DNAJC15: variants seen among roughly 807,000 people sequenced by gnomAD.
The protein encoded by DNAJC15 is DnaJ heat shock protein family (Hsp40) member C15, also known as dnaJ homolog subfamily C member 15.
In DNAJC15, 27 loss-of-function variants were observed where a neutral mutation model predicts 22.4. That is an observed-to-expected ratio of 1.20 (90% confidence interval 0.89 to 1.66). The LOEUF is 1.66. DNAJC15 is among the 40% of genes most tolerant of loss of function. The pLI, the probability that DNAJC15 is intolerant of heterozygous loss-of-function variation, is 0.00. For missense variants in DNAJC15, 208 were observed against 187.1 expected, an observed-to-expected ratio of 1.11 and a Z score of -0.65; for synonymous variants, 79 against 63.2, an observed-to-expected ratio of 1.25 and a Z score of -1.19.
chr13:43,065,723 C>G lies in DNAJC15; in HGVS notation c.146C>G (p.Ala49Gly), dbSNP rs61749882. The change falls in exon 2 of 6, where the codon GCT becomes GGT. Residue 49 changes from alanine to glycine, a missense_variant. Ala to Gly is a moderately conservative substitution (Grantham distance 60). Coordinates refer to ENST00000379221, the MANE Select transcript of DNAJC15 (RefSeq NM_013238.3). ...SLIAVGLGVA[A>G]LAFAGRYAFR... ...ATAGCTGTAGGACTGGGTGTTGCAG[C>G]TCTTGCATTTGCAGGTAAGATAAAG... The G allele has an allele frequency of 2.1e-5, 34 of 1,613,086 alleles. No individual in the cohort carries two copies. The highest frequency in any genetic ancestry group is 2.7e-5 in the Non-Finnish European group (32 of 1,179,650).
At chr13:43,093,592 C>T (rs2040725508) in intron 5 of DNAJC15, among the ~76,000 whole-genome samples, 1 of 151,940 alleles carries the variant, frequency 6.6e-6, no homozygotes, top group Non-Finnish European at 1.5e-5. Context: ...TTATTTTTAT[C>T]TTTGTAGAAA....
At chr13:43,047,279 G>T (rs901147882) in intron 1 of DNAJC15, among the ~76,000 whole-genome samples, 9 of 152,218 alleles carry the variant, frequency 5.9e-5, no homozygotes, top group African/African-American at 2.2e-4. Context: ...TGTTGGAAGG[G>T]ATTTGAAATA....
intron 5 of DNAJC15, among the ~76,000 whole-genome samples, chr13:43,099,674 G>A (rs976131628): frequency 4.0e-5 from 6 of 151,838 alleles, no homozygotes; most frequent in Admixed American, 6.6e-5. Context: ...GATGAGACTC[G>A]ATATATTTAT....
At chr13:43,026,203 C>T (rs1026245456) in intron 1 of DNAJC15, among the ~76,000 whole-genome samples, 21 of 152,150 alleles carry the variant, frequency 1.4e-4, no homozygotes, top group Non-Finnish European at 1.2e-4. Context: ...ATGGCACTTG[C>T]ACTTATGGAA....
chr13:43,038,013 T>C (rs111895010), intron 1 of DNAJC15, among the ~76,000 whole-genome samples: 3 of 152,324 alleles, frequency 2.0e-5, no homozygotes, highest in African/African-American at 7.2e-5. Flanking sequence ...TGATCCATAT[T>C]TTACATGTGC....
intron 1 of DNAJC15, among the ~76,000 whole-genome samples, chr13:43,050,363 T>C (rs929386064): frequency 2.6e-5 from 4 of 152,114 alleles, no homozygotes; most frequent in African/African-American, 9.7e-5. Context: ...TGAAGTACAG[T>C]GGCATAATCA....
At chr13:43,041,964 G>A (rs780778594) in intron 1 of DNAJC15, among the ~76,000 whole-genome samples, 27 of 152,154 alleles carry the variant, frequency 1.8e-4, no homozygotes, top group Non-Finnish European at 3.5e-4. Context: ...GTAGTCAGGT[G>A]GTGATATTTA....
At chr13:43,085,911 A>T in intron 5 of DNAJC15, 73 bp downstream of exon 5, 1 of 1,097,396 alleles carries the variant, frequency 9.1e-7, no homozygotes, top group East Asian at 2.5e-5. Context: ...TTAAAGTCAT[A>T]TATGATATAT....
At chr13:43,033,660 T>C (rs983115486) in intron 1 of DNAJC15, among the ~76,000 whole-genome samples, 1 of 152,186 alleles carries the variant, frequency 6.6e-6, no homozygotes, top group Non-Finnish European at 1.5e-5. Flanking sequence ...GGATAGTCTC[T>C]ACTGGAATTT....
chr13:43,067,400 T>C (rs749440059), intron 2 of DNAJC15, among the ~76,000 whole-genome samples: 1 of 152,182 alleles, frequency 6.6e-6, no homozygotes, highest in Non-Finnish European at 1.5e-5. Flanking sequence ...GAGAAGAATA[T>C]CATGTCTCAA....
At position 43,107,929 on chromosome 13, in the gene DNAJC15, G is replaced by A. The variant is rs1284899617; in HGVS notation, c.*681G>A. On this transcript the variant is annotated 3_prime_UTR_variant, in exon 6 of 6. Transcript: ENST00000379221. ...TCTGAGGAGTTTGTATTTAATTATA[G>A]TCTTCCAGTACTGTATATTCATTCA... 6.6e-6 allele frequency: 1 copy of A among 152,464 alleles called. No homozygotes were observed. The highest frequency in any genetic ancestry group is 1.9e-4 in the East Asian group (1 of 5,194). 9.4% of individuals were successfully genotyped at this position (152,464 alleles called of 1,614,324 possible).
intron 2 of DNAJC15, among the ~76,000 whole-genome samples, chr13:43,067,519 A>C (rs10492657): frequency 6.6e-6 from 1 of 152,150 alleles, no homozygotes; most frequent in African/African-American, 2.4e-5. Flanking sequence ...TTAGATAAAG[A>C]TGTATTTTTT....
At chr13:43,034,164 C>T (rs1211180042) in intron 1 of DNAJC15, among the ~76,000 whole-genome samples, 1 of 151,714 alleles carries the variant, frequency 6.6e-6, no homozygotes, top group African/African-American at 2.4e-5. Context: ...TAACTGTAAA[C>T]TTTATTTGCA....
chr13:43,096,000 GT>G (rs145417563), intron 5 of DNAJC15, among the ~76,000 whole-genome samples: 4 of 151,772 alleles, frequency 2.6e-5, no homozygotes, highest in African/African-American at 9.7e-5. Context: ...GAAAAATGCT[GT>G]TTTTTGTTTT....
chr13:43,025,285 C>G (rs986043472), intron 1 of DNAJC15, among the ~76,000 whole-genome samples: 1 of 152,054 alleles, frequency 6.6e-6, no homozygotes, highest in Non-Finnish European at 1.5e-5. Context: ...CGTAAAAATC[C>G]GAGTATCAGG....
intron 1 of DNAJC15, among the ~76,000 whole-genome samples, chr13:43,043,428 TGAGA>T (rs1431511456): frequency 6.6e-6 from 1 of 152,214 alleles, no homozygotes; most frequent in Non-Finnish European, 1.5e-5. Context: ...TCTTATATTA[TGAGA>T]AAGTAGAGCC....
At chr13:43,080,088 T>C (rs1490780935) in intron 4 of DNAJC15, among the ~76,000 whole-genome samples, 1 of 152,120 alleles carries the variant, frequency 6.6e-6, no homozygotes, top group Non-Finnish European at 1.5e-5. Context: ...TTTTTTAAAC[T>C]TTTAGGTTCA....
chr13:43,046,652 A>T (rs2040478523), intron 1 of DNAJC15, among the ~76,000 whole-genome samples: 1 of 152,220 alleles, frequency 6.6e-6, no homozygotes, highest in African/African-American at 2.4e-5. Flanking sequence ...ATTGGAGCAG[A>T]GAGTGGGCAA....
intron 1 of DNAJC15, among the ~76,000 whole-genome samples, chr13:43,045,615 C>G (rs890345261): frequency 5.9e-5 from 9 of 152,140 alleles, no homozygotes; most frequent in Admixed American, 3.3e-4. Context: ...ACATCGGGTT[C>G]TAAGTCATGA....
Sources: gnomAD v4.1 joint callset for allele counts (sites outside exome capture counted in the v4.1 genomes callset) on GRCh38, gnomAD v4.1.1 for gene constraint, MANE v1.5 for transcripts, NCBI Gene and HGNC (gene_info 2026-07-23, HGNC 2026-07-21) for gene names.